Variants in FBXL5 observed in about 807,000 individuals in gnomAD.
FBXL5 encodes the protein F-box and leucine rich repeat protein 5.
FBXL5 carries 26 observed loss-of-function variants against 78.3 expected under a neutral mutation model. The observed-to-expected ratio is 0.33, with a 90% CI of 0.24 to 0.46. FBXL5 has a LOEUF of 0.46. Ranked by LOEUF, FBXL5 falls within the 20% of genes least tolerant of loss-of-function variation. The probability of loss-of-function intolerance (pLI) is 1.00; values close to 1 mark genes in which losing one functional copy is unlikely to be tolerated. For synonymous variants in FBXL5, 295 were observed against 282.5 expected, an observed-to-expected ratio of 1.04 and a Z score of -0.45; for missense variants, 710 against 829.2, an observed-to-expected ratio of 0.86 and a Z score of 1.77.
chr4:15,677,146 G>A (rs1718024178), intron 1 of FBXL5, among the ~76,000 whole-genome samples: 1 of 152,072 alleles, frequency 6.6e-6, no homozygotes. Context: ...GGTTTCCTCT[G>A]GGAAGCAGAG....
intron 1 of FBXL5, among the ~76,000 whole-genome samples, chr4:15,650,147 G>A (rs1229162037): frequency 6.6e-6 from 1 of 152,160 alleles, no homozygotes; most frequent in Admixed American, 6.5e-5. Context: ...CTGACACCTA[G>A]TGGATAAAAC....
intron 1 of FBXL5, among the ~76,000 whole-genome samples, chr4:15,674,206 T>G (rs1043950499): frequency 1.0e-4 from 12 of 114,372 alleles, no homozygotes; most frequent in Admixed American, 7.0e-4. Flanking sequence ...TGCATCGTGT[T>G]TTTTTTTTTT....
intron 4 of FBXL5, among the ~76,000 whole-genome samples, chr4:15,637,312 A>G (rs1315828532): frequency 6.6e-6 from 1 of 152,230 alleles, no homozygotes; most frequent in Non-Finnish European, 1.5e-5. Context: ...GTCAGCAACT[A>G]TTGCAGGAAG....
At position 15,627,918 on chromosome 4, in the gene FBXL5, T is replaced by A; in HGVS notation, c.1008A>T (p.Val336=). 1 of 1,613,782 alleles carries A rather than the reference T, an allele frequency of 6.2e-7. No homozygotes were observed. Among genetic ancestry groups the A allele is most frequent in the East Asian group, 2.2e-5 (1 of 44,816 alleles). Reference sequence around the variant, plus strand: ...TGGAAACTGCAGAGCTGTATGCTAATACTAAGGTTTTTACAGAAGTACCAA... The same window carrying A: ...TGGAAACTGCAGAGCTGTATGCTAAAACTAAGGTTTTTACAGAAGTACCAA... ...PYVGTSVKTL[V]LAYSSAVSSK... Residue 336 remains valine (V), a synonymous_variant, in exon 7 of 11, where the codon GTA becomes GTT. Coordinates refer to ENST00000341285, the MANE Select transcript of FBXL5 (RefSeq NM_012161.4).
chr4:15,662,700 A>T (rs1717368939), upstream of FBXL5, among the ~76,000 whole-genome samples: 1 of 152,214 alleles, frequency 6.6e-6, no homozygotes, highest in African/African-American at 2.4e-5. Context: ...AGGTAGTTAA[A>T]ATTGAATCAA....
chr4:15,659,940 G>A (rs1717226251), upstream of FBXL5: 1 of 152,924 alleles, frequency 6.5e-6, no homozygotes, highest in African/African-American at 2.4e-5. Flanking sequence ...GGAAAGAAAT[G>A]ATAAGTTCCT....
At chr4:15,674,586 A>G (rs1271350044) in intron 1 of FBXL5, among the ~76,000 whole-genome samples, 1 of 151,888 alleles carries the variant, frequency 6.6e-6, no homozygotes, top group East Asian at 1.9e-4. Flanking sequence ...TAATCATAAA[A>G]CCTTCTTTTC....
Position 15,625,515 on chromosome 4 carries a change from C to T in FBXL5, c.1587G>A (p.Arg529=), listed in dbSNP as rs778048514. 6.2e-7 allele frequency: 1 copy of T among 1,614,064 alleles called. No homozygotes were observed. Among genetic ancestry groups the T allele is most frequent in the Non-Finnish European group, 8.5e-7 (1 of 1,179,980 alleles). ...GCFSKDIVGL[R]TSVCWQQHCA... is the part of the protein sequence containing the mutation. ...AATGCTGCTGCCAACAGACACTAGT[C>T]CTTAGTCCAACAATGTCCTTACTAA... The change falls in exon 9 of 11, where the codon AGG becomes AGA. Residue 529 remains arginine, a synonymous_variant. Coordinates refer to ENST00000341285, the MANE Select transcript of FBXL5 (RefSeq NM_012161.4).
chr4:15,634,037 C>T (rs545452715), intron 5 of FBXL5, among the ~76,000 whole-genome samples: 3 of 152,242 alleles, frequency 2.0e-5, no homozygotes, highest in Non-Finnish European at 4.4e-5. Context: ...CTGGCCTCTA[C>T]CTACTAGATG....
chr4:15,655,416 C>G, upstream of FBXL5: 4 of 1,001,776 alleles, frequency 4.0e-6, no homozygotes, highest in Non-Finnish European at 4.8e-6. Flanking sequence ...GCCCGGTCGG[C>G]TTGGCCGGCG....
chr4:15,677,185 G>A lies in FBXL5; in HGVS notation c.-284+4198C>T, dbSNP rs189587711. On this transcript the variant is annotated intron_variant, in intron 1 of 4. Transcript: ENST00000507899. ...ATATATTCACAAAGGAACACAAGAG[G>A]CTTAAAAGATACCTTTATGTTATGT... 1.1e-4 allele frequency among the ~76,000 whole-genome samples: 17 copies of A among 152,168 alleles called. No homozygotes were observed. In the East Asian group the frequency reaches 3.1e-3, roughly 28 times the overall value.
At chr4:15,666,237 A>G (rs914821277) in intron 1 of FBXL5, among the ~76,000 whole-genome samples, 2 of 151,998 alleles carry the variant, frequency 1.3e-5, no homozygotes, top group African/African-American at 4.8e-5. Flanking sequence ...CACCACCACA[A>G]AAAGTTAAAA....
At chr4:15,640,101 C>T (rs1410034717) in intron 3 of FBXL5, among the ~76,000 whole-genome samples, 3 of 152,128 alleles carry the variant, frequency 2.0e-5, no homozygotes, top group South Asian at 2.1e-4. Flanking sequence ...AGTGCCATGG[C>T]GCAATCATGG....
chr4:15,617,070 C>G (rs1711966170), intron 9 of FBXL5, among the ~76,000 whole-genome samples: 1 of 152,188 alleles, frequency 6.6e-6, no homozygotes, highest in Non-Finnish European at 1.5e-5. Flanking sequence ...AGCAATTTCT[C>G]AAAGACCAAG....
intron 9 of FBXL5, among the ~76,000 whole-genome samples, chr4:15,622,986 G>GT (rs1197451549): frequency 2.6e-5 from 4 of 152,150 alleles, no homozygotes; most frequent in Admixed American, 6.5e-5. Context: ...TATCCACTTT[G>GT]TTCTAAGGTT....
At chr4:15,679,933 A>C (rs1332622870) in intron 1 of FBXL5, among the ~76,000 whole-genome samples, 1 of 152,256 alleles carries the variant, frequency 6.6e-6, no homozygotes, top group Non-Finnish European at 1.5e-5. Flanking sequence ...AAATGTAGAA[A>C]TGACATGTAT....
intron 9 of FBXL5, among the ~76,000 whole-genome samples, chr4:15,614,193 T>C (rs4600905): frequency 0.76 from 114,877 of 152,128 alleles, 43,640 homozygotes; most frequent in East Asian, 0.91. Flanking sequence ...GCCAAACTGC[T>C]GTAATTGTTC....
intron 10 of FBXL5, among the ~76,000 whole-genome samples, chr4:15,606,611 T>C (rs1373089197): frequency 3.9e-5 from 6 of 152,210 alleles, no homozygotes; most frequent in Non-Finnish European, 5.9e-5. Context: ...CAGGCAAATG[T>C]GGAAAAGATT....
At chr4:15,629,939 T>C (rs1327159694) in intron 6 of FBXL5, among the ~76,000 whole-genome samples, 1 of 152,162 alleles carries the variant, frequency 6.6e-6, no homozygotes, top group African/African-American at 2.4e-5. Flanking sequence ...TTTTTTACTA[T>C]TTTACCATCT....
Sources: allele counts gnomAD v4.1 joint callset (sites outside exome capture counted in the v4.1 genomes callset), GRCh38; gene constraint gnomAD v4.1.1; transcripts MANE v1.5; gene names NCBI Gene and HGNC (gene_info 2026-07-23, HGNC 2026-07-21).